Variants in MARK3 observed in about 807,000 individuals in gnomAD.
The protein encoded by MARK3 is MAP/microtubule affinity-regulating kinase 3.
MARK3 carries 46 observed loss-of-function variants against 90.1 expected under a neutral mutation model. The observed-to-expected ratio is 0.51, with a 90% CI of 0.40 to 0.65. The LOEUF is 0.65. Ranked by LOEUF, MARK3 falls within the 30% of genes least tolerant of loss-of-function variation. The pLI is 0.00. For missense variants in MARK3, 818 were observed against 947.2 expected (o/e 0.86, Z 1.79); for synonymous variants, 321 against 332.6 (o/e 0.97, Z 0.38).
chr14:103,392,891 C>A (rs1223374878), intron 1 of MARK3, among the ~76,000 whole-genome samples: 1 of 151,720 alleles, frequency 6.6e-6, no homozygotes, highest in African/African-American at 2.4e-5. Flanking sequence ...CTCGCTGCAA[C>A]CTCCGCCTCC....
At chr14:103,491,625 C>T (rs1157230529) in intron 14 of MARK3, 152 bp from the exon 15 acceptor site, 2 of 708,420 alleles carry the variant, frequency 2.8e-6, no homozygotes, top group Non-Finnish European at 2.3e-6. Flanking sequence ...CCCTTTCCCA[C>T]TTAACTTACC....
chr14:103,459,586 G>A lies in MARK3; in HGVS notation c.483+2374G>A, dbSNP rs183074574. Among the ~76,000 whole-genome samples the A allele has an allele frequency of 4.9e-4, 75 of 152,062 alleles. 2 individuals are homozygous for A. The East Asian group carries it at 0.013, about 27-fold the overall frequency. On this transcript the variant is annotated intron_variant, in intron 6 of 17. Transcript: ENST00000429436. ...CCGATCTCAGCTCACTGCAACCTCCGCCTCCCAGGTTCAAGCAATTCTCCT... is the reference window on the plus strand; with the variant it reads ...CCGATCTCAGCTCACTGCAACCTCCACCTCCCAGGTTCAAGCAATTCTCCT...
intron 1 of MARK3, among the ~76,000 whole-genome samples, chr14:103,392,475 C>G (rs1281024867): frequency 6.6e-6 from 1 of 152,124 alleles, no homozygotes. Context: ...TGTTGATGCT[C>G]CAGGTCCGGG....
intron 3 of MARK3, among the ~76,000 whole-genome samples, chr14:103,433,088 C>CTT (rs371171878): frequency 0.11 from 12,954 of 115,676 alleles, 1,036 homozygotes; most frequent in Middle Eastern, 0.18. Context: ...CTTTTCTTTT[C>CTT]TTTTCTTTTT....
intron 6 of MARK3, among the ~76,000 whole-genome samples, chr14:103,460,803 C>G (rs897799336): frequency 6.6e-6 from 1 of 152,182 alleles, no homozygotes; most frequent in African/African-American, 2.4e-5. Flanking sequence ...AAAGCTATGA[C>G]TTTGTTTTGG....
At chr14:103,386,135 T>TC in intron 1 of MARK3, 55 bp downstream of exon 1, 1 of 1,523,640 alleles carries the variant, frequency 6.6e-7, no homozygotes, top group South Asian at 1.1e-5. Flanking sequence ...TTCGTGCTCC[T>TC]CGGGCAGTGC....
chr14:103,408,083 G>A (rs12879085), intron 2 of MARK3, among the ~76,000 whole-genome samples: 96,204 of 152,006 alleles, frequency 0.63, 30,960 homozygotes, highest in East Asian at 0.86. Context: ...TTTGTAGGCT[G>A]TCTCCAGTCT....
chr14:103,458,873 A>T, intron 6 of MARK3: 1 of 528,418 alleles, frequency 1.9e-6, no homozygotes, highest in Non-Finnish European at 3.4e-6. Flanking sequence ...TGGTACTTTG[A>T]ATTCAAATCT....
At chr14:103,472,557 G>A (rs2093644679) in intron 12 of MARK3, among the ~76,000 whole-genome samples, 1 of 147,306 alleles carries the variant, frequency 6.8e-6, no homozygotes, top group African/African-American at 2.5e-5. Flanking sequence ...TGAGGCAGGA[G>A]AATGGCGTGA....
At chr14:103,400,983 A>G (rs4906319) in intron 1 of MARK3, among the ~76,000 whole-genome samples, 44,752 of 109,044 alleles carry the variant, frequency 0.41, 7,513 homozygotes, top group South Asian at 0.57. Flanking sequence ...GTGTGTGTGT[A>G]TGCAGGTTGT....
intron 2 of MARK3, among the ~76,000 whole-genome samples, chr14:103,415,692 T>A (rs2091914625): frequency 6.6e-6 from 1 of 152,238 alleles, no homozygotes; most frequent in Non-Finnish European, 1.5e-5. Flanking sequence ...ACTACAGAAC[T>A]CACTTGTTTC....
At chr14:103,400,943 TTG>T (rs61635275) in intron 1 of MARK3, among the ~76,000 whole-genome samples, 3,601 of 123,530 alleles carry the variant, frequency 0.029, 94 homozygotes, top group African/African-American at 0.074. Context: ...ATATAACATT[TTG>T]TGTGTGTGTG....
chr14:103,421,607 G>C (rs2092225673), intron 2 of MARK3, among the ~76,000 whole-genome samples: 1 of 152,148 alleles, frequency 6.6e-6, no homozygotes, highest in South Asian at 2.1e-4. Context: ...ACGCAACACA[G>C]AGTTATTTTC....
chr14:103,453,637 C>T (rs1057459091), intron 5 of MARK3, among the ~76,000 whole-genome samples: 2 of 152,160 alleles, frequency 1.3e-5, no homozygotes, highest in Middle Eastern at 3.2e-3. Context: ...TTCAAAACTT[C>T]AGGGGTAGTA....
intron 14 of MARK3, among the ~76,000 whole-genome samples, chr14:103,480,844 G>A (rs2093806655): frequency 6.6e-6 from 1 of 152,154 alleles, no homozygotes; most frequent in Admixed American, 6.6e-5. Flanking sequence ...GCCGAAAGTG[G>A]GGGAAGATAA....
intron 9 of MARK3, 87 bp from the exon 10 acceptor site, chr14:103,466,256 T>C (rs1203436346): frequency 7.8e-7 from 1 of 1,284,990 alleles, no homozygotes; most frequent in African/African-American, 1.5e-5. Context: ...CGATAGTCAA[T>C]GAAATGTTGA....
chr14:103,417,073 G>C (rs991032637), intron 2 of MARK3, among the ~76,000 whole-genome samples: 1 of 152,162 alleles, frequency 6.6e-6, no homozygotes, highest in African/African-American at 2.4e-5. Flanking sequence ...TTTAAAGTGG[G>C]AAGAGTCAGC....
intron 14 of MARK3, among the ~76,000 whole-genome samples, chr14:103,487,548 T>G (rs2093951425): frequency 6.6e-6 from 1 of 151,938 alleles, no homozygotes; most frequent in African/African-American, 2.4e-5. Context: ...CTCCAAAGAC[T>G]TTGGGACCAT....
chr14:103,463,111 C>T (rs749543004), intron 7 of MARK3, among the ~76,000 whole-genome samples: 8 of 150,256 alleles, frequency 5.3e-5, no homozygotes, highest in Admixed American at 1.3e-4. Context: ...ACTGGCTTTT[C>T]ACCAGCAGCA....
Sources: gnomAD v4.1 joint callset for allele counts (sites outside exome capture counted in the v4.1 genomes callset) on GRCh38, gnomAD v4.1.1 for gene constraint, MANE v1.5 for transcripts, NCBI Gene and HGNC (gene_info 2026-07-23, HGNC 2026-07-21) for gene names.